Variants in CEP63 observed in about 807,000 individuals in gnomAD.
The protein encoded by CEP63 is centrosomal protein 63.
CEP63 carries 84 observed loss-of-function variants against 89.1 expected under a neutral mutation model. The observed-to-expected ratio is 0.94, with a 90% CI of 0.79 to 1.13. The LOEUF (loss-of-function observed/expected upper bound fraction) is 1.13, where lower values mean the gene tolerates loss of function less well. Ranked by LOEUF, CEP63 falls within the 50% of genes most tolerant of loss-of-function variation. The pLI is 0.00. For missense variants in CEP63, 838 were observed against 813.3 expected, an observed-to-expected ratio of 1.03 and a Z score of -0.37; for synonymous variants, 267 against 272.5, an observed-to-expected ratio of 0.98 and a Z score of 0.20.
At chr3:134,780,667 GA>G in the CEP63 span, 1 of 152,146 alleles carries the variant, frequency 6.6e-6, no homozygotes, top group South Asian at 2.1e-4. Context: ...TTGATTTATA[GA>G]AATTCTTTAT....
At chr3:134,535,860 A>G (rs1414205141) in intron 5 of CEP63, 5 of 152,146 alleles carry the variant, frequency 3.3e-5, no homozygotes, top group East Asian at 1.9e-4. Context: ...GTCAAATTAT[A>G]TCACTTCCTA....
At chr3:134,531,792 G>T in intron 3 of CEP63, 53 bp from the exon 4 acceptor site, 1 of 1,212,492 alleles carries the variant, frequency 8.2e-7, no homozygotes, top group South Asian at 1.2e-5. Context: ...TATATCTCAG[G>T]GATGTTATTT....
intron 3 of CEP63, among the ~76,000 whole-genome samples, chr3:134,518,827 A>T (rs1431570820): frequency 6.6e-6 from 1 of 152,104 alleles, no homozygotes; most frequent in African/African-American, 2.4e-5. Flanking sequence ...AAACTAATAA[A>T]ATAGGAAACA....
intron 5 of CEP63, chr3:134,536,686 C>G (rs1368041670): frequency 4.7e-6 from 1 of 212,938 alleles, no homozygotes; most frequent in Admixed American, 5.3e-5. Flanking sequence ...GTTTTAGATA[C>G]TGGGAAGTAA....
chr3:134,608,813 T>G, the CEP63 span: 1 of 1,612,458 alleles, frequency 6.2e-7, no homozygotes, highest in African/African-American at 1.3e-5. Context: ...CAGTGCAGGG[T>G]GGGTGAGGAA....
intron 2 of CEP63, among the ~76,000 whole-genome samples, chr3:134,499,303 A>G (rs1018329519): frequency 6.6e-6 from 1 of 152,100 alleles, no homozygotes; most frequent in Admixed American, 6.6e-5. Flanking sequence ...TTGTTAGCAT[A>G]TAGTTGTTTG....
chr3:134,549,955 T>G, intron 10 of CEP63, 108 bp from the exon 11 acceptor site: 1 of 838,772 alleles, frequency 1.2e-6, no homozygotes, highest in Non-Finnish European at 1.9e-6. Context: ...TAAGAGAAAT[T>G]TAATGTCTTG....
chr3:134,570,253 C>CA (rs35526679), intron 11 of CEP63, among the ~76,000 whole-genome samples: 48,252 of 152,096 alleles, frequency 0.32, 7,925 homozygotes, highest in African/African-American at 0.35. Context: ...AATTTCTCCT[C>CA]AGAAAGTGGG....
chr3:134,605,059 C>T, the CEP63 span, among the ~76,000 whole-genome samples: 5 of 151,790 alleles, frequency 3.3e-5, no homozygotes, highest in Non-Finnish European at 5.9e-5. Flanking sequence ...AGCCATGTTT[C>T]AGGAATGGGT....
At chr3:134,540,626 A>G (rs1251751255) in intron 6 of CEP63, among the ~76,000 whole-genome samples, 1 of 151,958 alleles carries the variant, frequency 6.6e-6, no homozygotes, top group Non-Finnish European at 1.5e-5. Flanking sequence ...TGCCAATCTT[A>G]TAGGTGAAAA....
chr3:134,627,404 C>T, the CEP63 span, among the ~76,000 whole-genome samples: 1 of 152,340 alleles, frequency 6.6e-6, no homozygotes, highest in East Asian at 1.9e-4. Context: ...TCCTCTGCTT[C>T]ACTCTGCTTA....
the CEP63 span, among the ~76,000 whole-genome samples, chr3:134,668,091 G>C: frequency 6.6e-6 from 1 of 152,174 alleles, no homozygotes; most frequent in Non-Finnish European, 1.5e-5. Context: ...GCTCCGACCA[G>C]CATTGGGGTT....
chr3:134,649,728 G>A, the CEP63 span, among the ~76,000 whole-genome samples: 1 of 152,194 alleles, frequency 6.6e-6, no homozygotes, highest in South Asian at 2.1e-4. Flanking sequence ...GGTTCCCAGG[G>A]CTCTGGAGGC....
At chr3:134,746,188 T>G in the CEP63 span, among the ~76,000 whole-genome samples, 2 of 152,056 alleles carry the variant, frequency 1.3e-5, no homozygotes, top group African/African-American at 2.4e-5. Context: ...TCTGTCCTTG[T>G]GATAGTTTGC....
chr3:134,491,367 G>C (rs1937536403), intron 1 of CEP63, among the ~76,000 whole-genome samples: 1 of 152,106 alleles, frequency 6.6e-6, no homozygotes, highest in African/African-American at 2.4e-5. Context: ...GTATTTTTCT[G>C]TGCATTGCTT....
chr3:134,677,275 T>C, the CEP63 span, among the ~76,000 whole-genome samples: 140,026 of 152,272 alleles, frequency 0.92, 64,440 homozygotes, highest in East Asian at 1. Context: ...AAGTTCTCCC[T>C]TGACTTTACT....
chr3:134,530,970 G>A (rs540505526), intron 3 of CEP63, among the ~76,000 whole-genome samples: 1 of 152,218 alleles, frequency 6.6e-6, no homozygotes, highest in African/African-American at 2.4e-5. Flanking sequence ...AAATACTGCT[G>A]GATACTTGTG....
chr3:134,647,567 A>G, the CEP63 span: 1 of 909,208 alleles, frequency 1.1e-6, no homozygotes, highest in Non-Finnish European at 1.8e-6. Flanking sequence ...TTGCAGACTT[A>G]TCTAGGTTAT....
the CEP63 span, among the ~76,000 whole-genome samples, chr3:134,637,608 T>G: frequency 6.6e-6 from 1 of 152,330 alleles, no homozygotes; most frequent in African/African-American, 2.4e-5. Flanking sequence ...GGCATAGGGT[T>G]CAACAACAAA....
Sources: allele counts gnomAD v4.1 joint callset (sites outside exome capture counted in the v4.1 genomes callset), GRCh38; gene constraint gnomAD v4.1.1; transcripts MANE v1.5; gene names NCBI Gene and HGNC (gene_info 2026-07-23, HGNC 2026-07-21).